The following VAX2 variants were observed in gnomAD, a reference collection of about 807,000 sequenced individuals.
The protein encoded by VAX2 is ventral anterior homeobox 2.
In VAX2, 8 loss-of-function variants were observed where a neutral mutation model predicts 12.5. That is an observed-to-expected ratio of 0.64 (90% CI 0.37 to 1.15). The LOEUF (loss-of-function observed/expected upper bound fraction) is 1.15, where lower values mean the gene tolerates loss of function less well. Ranked by LOEUF, VAX2 falls within the 50% of genes most tolerant of loss-of-function variation. The pLI, the probability that VAX2 is intolerant of heterozygous loss-of-function variation, is 0.01. For synonymous variants in VAX2, 183 were observed against 187.6 expected (o/e 0.98, Z 0.20); for missense variants, 476 against 412.9 (o/e 1.15, Z -1.32).
chr2:70,920,056 T>C (rs1426450159), intron 1 of VAX2, among the ~76,000 whole-genome samples: 1 of 152,146 alleles, frequency 6.6e-6, no homozygotes, highest in African/African-American at 2.4e-5. Context: ...GGTTGCTTGC[T>C]TTCTTGGGCT....
intron 1 of VAX2, 104 bp downstream of exon 1, chr2:70,900,972 C>A: frequency 9.1e-7 from 1 of 1,093,444 alleles, no homozygotes; most frequent in Non-Finnish European, 1.2e-6. Context: ...TATATTCATT[C>A]ATTCGTCATC....
intron 1 of VAX2, among the ~76,000 whole-genome samples, chr2:70,910,515 G>A (rs1473853549): frequency 1.3e-5 from 2 of 151,920 alleles, no homozygotes; most frequent in Non-Finnish European, 2.9e-5. Context: ...TCCCAACTCA[G>A]AATATACTTA....
intron 2 of VAX2, among the ~76,000 whole-genome samples, chr2:70,922,597 T>G (rs1679482728): frequency 6.7e-6 from 1 of 148,330 alleles, no homozygotes; most frequent in Non-Finnish European, 1.5e-5. Context: ...ACACTGAGAG[T>G]AGGGCAGAGG....
intron 1 of VAX2, among the ~76,000 whole-genome samples, chr2:70,905,847 A>G (rs1219245368): frequency 6.6e-6 from 1 of 152,172 alleles, no homozygotes; most frequent in Non-Finnish European, 1.5e-5. Context: ...CACCGGGCTC[A>G]AGTCTTCCTC....
Position 70,904,614 on chromosome 2 carries a change from C to T in VAX2, c.247+3746C>T, listed in dbSNP as rs552385914. Among the ~76,000 whole-genome samples, 28 of 152,342 alleles carry T rather than the reference C, an allele frequency of 1.8e-4. No individual in the cohort carries two copies. The highest frequency in any genetic ancestry group is 5.8e-4 in the African/African-American group (24 of 41,580). ...CGGGTCCTCAAACCCCACTCGAAAC[C>T]CTCCGAACCCCTGTGTCTGGGAGCA... On this transcript the variant is annotated intron_variant, in intron 1 of 2. Transcript: ENST00000234392. The surrounding 1 kb of genome is among the most constrained non-coding windows in gnomAD (Gnocchi z 4.2).
At position 70,931,600 on chromosome 2, in the gene VAX2, C is replaced by T. The variant is rs563990307; in HGVS notation, c.436-1167C>T. ...AGGACTCTGCAAAGCCAAGGGGTCT[C>T]GCCTGCCAGAAGCCTGTGCCCACCT... On this transcript the variant is annotated intron_variant, in intron 2 of 2. Coordinates refer to ENST00000234392, the MANE Select transcript of VAX2 (RefSeq NM_012476.3). Among the ~76,000 whole-genome samples, 51 of 152,352 alleles carry T rather than the reference C, an allele frequency of 3.3e-4. No individual in the cohort carries two copies. In the South Asian group the frequency reaches 9.7e-3, roughly 29 times the overall value.
At chr2:70,903,266 A>G (rs1406639780) in intron 1 of VAX2, among the ~76,000 whole-genome samples, 1 of 152,134 alleles carries the variant, frequency 6.6e-6, no homozygotes, top group African/African-American at 2.4e-5. Flanking sequence ...GAAGGAAACC[A>G]CTAAAAGGTA....
chr2:70,924,062 G>T (rs574611193), intron 2 of VAX2, among the ~76,000 whole-genome samples: 10 of 152,294 alleles, frequency 6.6e-5, no homozygotes, highest in Admixed American at 6.5e-4. Context: ...TTGGGAGGCT[G>T]AGGTGGGAGG....
At position 70,900,794 on chromosome 2, in the gene VAX2, G is replaced by C; in HGVS notation, c.173G>C (p.Arg58Thr). The C allele has an allele frequency of 6.0e-6, 9 of 1,496,936 alleles. No homozygotes were observed. Among genetic ancestry groups the C allele is most frequent in the Non-Finnish European group, 8.0e-6 (9 of 1,123,376 alleles). The allele number at this position is 1,496,936 out of a possible 1,614,324, so 92.7% of individuals were successfully genotyped here. A position where few individuals can be genotyped will look rare whatever the true frequency, so the allele number is the denominator to read the frequency against. The change falls in exon 1 of 3, where the codon AGG becomes ACG. Residue 58 changes from arginine to threonine, a missense_variant. By Grantham distance (71) the Arg-to-Thr change is moderately conservative (BLOSUM62 -1). Coordinates refer to ENST00000234392, the MANE Select transcript of VAX2 (RefSeq NM_012476.3). The stretch of plus-strand genomic sequence containing the variant: ...TCAGCCTCCAGTCCCGCAGGCTCCA[G>C]GGAGAGTGGAGCCGACAGCGACGGG... ...GTSASSPAGS[R>T]ESGADSDGQP...
chr2:70,913,459 A>G (rs900713600), intron 1 of VAX2, among the ~76,000 whole-genome samples: 2 of 151,922 alleles, frequency 1.3e-5, no homozygotes, highest in Non-Finnish European at 2.9e-5. Flanking sequence ...AGGCGGGGGG[A>G]TCACTTGAGC....
intron 1 of VAX2, among the ~76,000 whole-genome samples, chr2:70,907,139 A>G (rs1679078714): frequency 6.6e-6 from 1 of 152,236 alleles, no homozygotes. Flanking sequence ...TGAAACAGTG[A>G]TCATGGCAGA....
At chr2:70,927,789 G>GGCACTGTGGGTCACA (rs1679606736) in intron 2 of VAX2, among the ~76,000 whole-genome samples, 1 of 152,046 alleles carries the variant, frequency 6.6e-6, no homozygotes. Flanking sequence ...GGGTCACAGT[G>GGCACTGTGGGTCACA]TGGCCCAGCA....
chr2:70,920,100 A>G (rs1679418899), intron 1 of VAX2, among the ~76,000 whole-genome samples: 1 of 152,118 alleles, frequency 6.6e-6, no homozygotes, highest in African/African-American at 2.4e-5. Context: ...TAAGCTTCCC[A>G]TTGCCAATGC....
At chr2:70,907,255 C>A (rs1553410702) in intron 1 of VAX2, among the ~76,000 whole-genome samples, 1 of 152,170 alleles carries the variant, frequency 6.6e-6, no homozygotes, top group Non-Finnish European at 1.5e-5. Context: ...ACCTGAAAAC[C>A]CTCATATATG....
At chr2:70,917,151 C>CAAAAAAAAAAAAAAAAAAAAAA (rs55909927) in intron 1 of VAX2, among the ~76,000 whole-genome samples, 1 of 82,678 alleles carries the variant, frequency 1.2e-5, no homozygotes, top group African/African-American at 5.3e-5. Context: ...AACTCTGTCT[C>CAAAAAAAAAAAAAAAAAAAAAA]AAAAAAAAAA....
At chr2:70,903,357 C>G (rs1422372552) in intron 1 of VAX2, among the ~76,000 whole-genome samples, 1 of 152,118 alleles carries the variant, frequency 6.6e-6, no homozygotes, top group East Asian at 1.9e-4. Context: ...TTGGGGAGGC[C>G]TCACCCCTTC....
intron 1 of VAX2, among the ~76,000 whole-genome samples, chr2:70,914,410 C>G (rs1553411634): frequency 6.6e-6 from 1 of 152,150 alleles, no homozygotes; most frequent in African/African-American, 2.4e-5. Context: ...GATATTGCAC[C>G]ACTGCACTCC....
chr2:70,922,238 A>ACGACG (rs1288949217), intron 2 of VAX2, among the ~76,000 whole-genome samples: 1 of 152,226 alleles, frequency 6.6e-6, no homozygotes, highest in Non-Finnish European at 1.5e-5. Flanking sequence ...AGATCAATCA[A>ACGACG]TACATGCATT....
intron 1 of VAX2, among the ~76,000 whole-genome samples, chr2:70,902,008 C>T (rs1553409859): frequency 6.6e-6 from 1 of 152,236 alleles, no homozygotes; most frequent in East Asian, 1.9e-4. Flanking sequence ...GGCTACCGGC[C>T]CGAGCGGATT....
Sources: allele counts gnomAD v4.1 joint callset (sites outside exome capture counted in the v4.1 genomes callset), GRCh38; gene constraint gnomAD v4.1.1; non-coding constraint Gnocchi (gnomAD v3.1); transcripts MANE v1.5; gene names NCBI Gene and HGNC (gene_info 2026-07-23, HGNC 2026-07-21).